CDH20: variants seen among roughly 807,000 people sequenced by gnomAD.
CDH20 encodes cadherin 20.
Under a neutral mutation model 74.2 loss-of-function variants are expected in CDH20, and 29 were observed. That is an observed-to-expected ratio of 0.39 (90% CI 0.29 to 0.53). CDH20 has a LOEUF of 0.53. Among genes scored for constraint, CDH20 ranks in the 20% least tolerant of loss-of-function variants. The pLI, the probability that CDH20 is intolerant of heterozygous loss-of-function variation, is 0.69. For missense variants in CDH20, 988 were observed against 1,048.3 expected (o/e 0.94, Z 0.79); for synonymous variants, 469 against 405.4 (o/e 1.16, Z -1.88).
intron 1 of CDH20, among the ~76,000 whole-genome samples, chr18:61,383,613 T>G (rs193248370): frequency 6.6e-6 from 1 of 152,116 alleles, no homozygotes; most frequent in African/African-American, 2.4e-5. Context: ...TACATTCTAA[T>G]GAAGGTCTGG....
intron 11 of CDH20, among the ~76,000 whole-genome samples, chr18:61,553,968 T>C (rs1210700368): frequency 1.3e-5 from 2 of 152,246 alleles, no homozygotes; most frequent in African/African-American, 2.4e-5. Context: ...ATTAAACCAT[T>C]TGAAGAAATA....
chr18:61,434,295 T>C (rs980625445), intron 1 of CDH20, among the ~76,000 whole-genome samples: 2 of 152,168 alleles, frequency 1.3e-5, no homozygotes, highest in African/African-American at 2.4e-5. Context: ...CAATGATAGA[T>C]ACCCATTGAA....
At chr18:61,401,989 T>A (rs534195002) in intron 1 of CDH20, among the ~76,000 whole-genome samples, 3 of 152,292 alleles carry the variant, frequency 2.0e-5, no homozygotes, top group African/African-American at 7.2e-5. Flanking sequence ...GTTTATCAAA[T>A]ATAATTGAGG....
intron 1 of CDH20, among the ~76,000 whole-genome samples, chr18:61,355,524 A>G (rs1020460310): frequency 7.2e-5 from 11 of 152,244 alleles, no homozygotes; most frequent in African/African-American, 2.7e-4. Flanking sequence ...GTATCACTTT[A>G]TTTGTGAAAG....
intron 1 of CDH20, among the ~76,000 whole-genome samples, chr18:61,375,345 C>T (rs189661695): frequency 5.3e-5 from 8 of 152,312 alleles, no homozygotes; most frequent in Admixed American, 4.6e-4. Flanking sequence ...CTGCAGGGTT[C>T]ATCCTTCCAC....
rs906972206 is a variant in CDH20, at chr18:61,353,110, T to A, written c.-153+19283T>A. ...CCTGGTCACCTCCCCTGCAATCACC[T>A]CCATGATGTGTGCCCCAACAAAGGC... is the stretch of plus-strand genomic sequence containing the variant. On this transcript the variant is annotated intron_variant, in intron 1 of 11. Coordinates refer to ENST00000262717, the MANE Select transcript of CDH20 (RefSeq NM_031891.4). This position sits in a 1 kb window ranked among gnomAD's most constrained non-coding sequence, Gnocchi z 4.6. Among the ~76,000 whole-genome samples, 5 of 152,160 alleles carry A rather than the reference T, an allele frequency of 3.3e-5. No homozygotes were observed. Among genetic ancestry groups the A allele is most frequent in the Non-Finnish European group, 7.4e-5 (5 of 68,016 alleles).
At chr18:61,420,942 T>C (rs1321122017) in intron 1 of CDH20, among the ~76,000 whole-genome samples, 1 of 152,000 alleles carries the variant, frequency 6.6e-6, no homozygotes, top group Non-Finnish European at 1.5e-5. Context: ...TCCCAGCTAC[T>C]TGGGAGGCTG....
intron 6 of CDH20, among the ~76,000 whole-genome samples, chr18:61,525,471 G>A (rs1313579317): frequency 2.0e-5 from 3 of 152,156 alleles, no homozygotes; most frequent in Non-Finnish European, 2.9e-5. Context: ...AGCATTAAAT[G>A]AATTGGTAAA....
chr18:61,554,965 C>G lies in CDH20; in HGVS notation c.*270C>G. On this transcript the variant is annotated 3_prime_UTR_variant, in exon 12 of 12. Coordinates refer to ENST00000262717, the MANE Select transcript of CDH20 (RefSeq NM_031891.4). ...GACACTGTGTGCGAAGGCTTGGAGTCCAAGGTGTTCTGACAAGGGTGGCTT... is the reference window on the plus strand; with the variant it reads ...GACACTGTGTGCGAAGGCTTGGAGTGCAAGGTGTTCTGACAAGGGTGGCTT... The G allele has an allele frequency of 7.7e-7, 1 of 1,294,492 alleles. No homozygotes were observed. Among genetic ancestry groups the G allele is most frequent in the Non-Finnish European group, 9.8e-7 (1 of 1,019,848 alleles). The allele number at this position is 1,294,492 out of a possible 1,614,324, so 80.2% of individuals were successfully genotyped here.
Position 61,554,709 on chromosome 18 carries a change from GC to G in CDH20, c.*15del. On this transcript the variant is annotated 3_prime_UTR_variant, in exon 12 of 12. Transcript: ENST00000262717. ...CCGCTGTGGTGACGGAAGCCAGGAG[GC>G]AGGCGCGCGTCCAAATCCAGACGTT... 6.5e-7 allele frequency: 1 copy of G among 1,535,916 alleles called. No homozygotes were observed. Among genetic ancestry groups the G allele is most frequent in the Non-Finnish European group, 8.8e-7 (1 of 1,141,574 alleles).
chr18:61,361,979 G>T (rs977500449), intron 1 of CDH20, among the ~76,000 whole-genome samples: 8 of 152,076 alleles, frequency 5.3e-5, no homozygotes, highest in East Asian at 1.9e-4. Context: ...TCTTATAGCA[G>T]CTCTGTTAGT....
At chr18:61,512,231 C>A (rs1911810673) in intron 6 of CDH20, among the ~76,000 whole-genome samples, 1 of 152,172 alleles carries the variant, frequency 6.6e-6, no homozygotes, top group Non-Finnish European at 1.5e-5. Context: ...GATTTTCAGT[C>A]TCTTAAATGC....
intron 5 of CDH20, among the ~76,000 whole-genome samples, chr18:61,506,110 A>T (rs1330097874): frequency 2.6e-5 from 4 of 152,256 alleles, no homozygotes; most frequent in Admixed American, 6.5e-5. Context: ...AAACATCAAG[A>T]TCTCAAGCTA....
intron 1 of CDH20, among the ~76,000 whole-genome samples, chr18:61,458,274 G>A (rs1207097474): frequency 6.6e-6 from 1 of 152,120 alleles, no homozygotes; most frequent in Non-Finnish European, 1.5e-5. Context: ...TTACTGAAGA[G>A]GAATAGTGGA....
chr18:61,459,419 G>T (rs989873604), intron 1 of CDH20, among the ~76,000 whole-genome samples: 2 of 152,140 alleles, frequency 1.3e-5, no homozygotes, highest in Non-Finnish European at 2.9e-5. Context: ...GGATGAAGGG[G>T]GAAGAGGAAG....
chr18:61,529,887 C>T (rs1016188619), intron 7 of CDH20, among the ~76,000 whole-genome samples: 6 of 152,258 alleles, frequency 3.9e-5, no homozygotes, highest in Non-Finnish European at 2.9e-5. Context: ...CCAGCACATC[C>T]GTTAGCATCA....
chr18:61,553,735 A>G (rs2144417748), intron 11 of CDH20, among the ~76,000 whole-genome samples: 1 of 152,362 alleles, frequency 6.6e-6, no homozygotes, highest in Non-Finnish European at 1.5e-5. Flanking sequence ...ATGCTAATAT[A>G]CGGAAGCAGA....
At chr18:61,498,814 A>G (rs1441289461) in intron 2 of CDH20, among the ~76,000 whole-genome samples, 1 of 152,154 alleles carries the variant, frequency 6.6e-6, no homozygotes, top group African/African-American at 2.4e-5. Flanking sequence ...AGGCTTATCC[A>G]TTTTATTTTT....
At chr18:61,541,002 C>T (rs963949285) in intron 9 of CDH20, among the ~76,000 whole-genome samples, 1 of 152,144 alleles carries the variant, frequency 6.6e-6, no homozygotes, top group Non-Finnish European at 1.5e-5. Flanking sequence ...AATTCTCTTT[C>T]CACATCTAGT....
Sources: allele counts gnomAD v4.1 joint callset (sites outside exome capture counted in the v4.1 genomes callset), GRCh38; gene constraint gnomAD v4.1.1; non-coding constraint Gnocchi (gnomAD v3.1); transcripts MANE v1.5; gene names NCBI Gene and HGNC (gene_info 2026-07-23, HGNC 2026-07-21).